Variants in MAGI1 observed in about 807,000 individuals in gnomAD.
The protein encoded by MAGI1 is membrane associated guanylate kinase, WW and PDZ domain containing 1.
In MAGI1, 58 loss-of-function variants were observed where a neutral mutation model predicts 139.9. The ratio of observed to expected loss-of-function variants is 0.41; its 90% CI spans 0.34 to 0.52. MAGI1 has a LOEUF of 0.52. Ranked by LOEUF, MAGI1 falls within the 20% of genes least tolerant of loss-of-function variation. The pLI is 0.12. For missense variants in MAGI1, 1,874 were observed against 1,901.6 expected, an observed-to-expected ratio of 0.99 and a Z score of 0.27; for synonymous variants, 812 against 737.9, an observed-to-expected ratio of 1.10 and a Z score of -1.63.
intron 12 of MAGI1, among the ~76,000 whole-genome samples, chr3:65,409,387 G>T (rs1324566942): frequency 2.6e-5 from 4 of 152,112 alleles, no homozygotes; most frequent in African/African-American, 9.7e-5. Flanking sequence ...GTGAAGAATG[G>T]CTAGCATTTA....
At chr3:65,744,686 T>G (rs1175678599) in intron 1 of MAGI1, among the ~76,000 whole-genome samples, 1 of 148,870 alleles carries the variant, frequency 6.7e-6, no homozygotes, top group Admixed American at 6.7e-5. Flanking sequence ...CAGGAAATGT[T>G]TTTGTTTTCT....
intron 5 of MAGI1, among the ~76,000 whole-genome samples, chr3:65,462,207 G>A (rs1344674516): frequency 6.6e-6 from 1 of 152,132 alleles, no homozygotes; most frequent in Admixed American, 6.5e-5. Context: ...CCTATGTCCG[G>A]AAAGGTATTG....
At position 65,415,014 on chromosome 3, in the gene MAGI1, A is replaced by C. The variant is rs1462107828; in HGVS notation, c.2168-13544T>G. ...ATTGCACTCCAGCCTGGGAAAAAAA[A>C]AAAAACAAAAAAAAAAAAAACAGAA... On this transcript the variant is annotated intron_variant, in intron 12 of 22. Coordinates refer to ENST00000402939, the MANE Select transcript of MAGI1 (RefSeq NM_001033057.2). Among the ~76,000 whole-genome samples, 26 of 127,980 alleles carry C rather than the reference A, an allele frequency of 2.0e-4. No homozygotes were observed. In the East Asian group the frequency reaches 2.9e-3, roughly 14 times the overall value. 84.0% of individuals were successfully genotyped at this position (127,980 alleles called of 152,430 possible). A position where few individuals can be genotyped will look rare whatever the true frequency, so the allele number is the denominator to read the frequency against.
intron 1 of MAGI1, among the ~76,000 whole-genome samples, chr3:65,660,383 A>G (rs1282292843): frequency 6.6e-6 from 1 of 152,260 alleles, no homozygotes; most frequent in African/African-American, 2.4e-5. Context: ...GAACACTACA[A>G]GGGTGAAGTA....
chr3:65,708,716 G>A (rs74807150), intron 1 of MAGI1, among the ~76,000 whole-genome samples: 586 of 53,444 alleles, frequency 0.011, 4 homozygotes, highest in African/African-American at 0.046. Context: ...GAAAGAAAAC[G>A]GGGGAAGGAC....
chr3:65,544,434 G>T (rs1407645954), intron 2 of MAGI1, among the ~76,000 whole-genome samples: 1 of 152,100 alleles, frequency 6.6e-6, no homozygotes, highest in African/African-American at 2.4e-5. Flanking sequence ...TGCATGTGTT[G>T]GGTAATTTTA....
At chr3:65,413,912 T>G (rs954752510) in intron 12 of MAGI1, among the ~76,000 whole-genome samples, 1 of 152,206 alleles carries the variant, frequency 6.6e-6, no homozygotes, top group Non-Finnish European at 1.5e-5. Context: ...GGGAACAAGA[T>G]GTGTAACAAA....
At chr3:65,896,440 G>T (rs2060972927) in intron 1 of MAGI1, among the ~76,000 whole-genome samples, 1 of 152,268 alleles carries the variant, frequency 6.6e-6, no homozygotes, top group Non-Finnish European at 1.5e-5. Context: ...CACATCTGTG[G>T]AGCTTGTCCA....
chr3:65,936,049 C>G lies in MAGI1; in HGVS notation c.313+101947G>C, dbSNP rs115575125. 8.9e-3 allele frequency among the ~76,000 whole-genome samples: 1,359 copies of G among 152,262 alleles called. 24 individuals carry two copies. The highest frequency in any genetic ancestry group is 0.031 in the African/African-American group (1,289 of 41,552). ...ATTGGTTTTCTTTAAAGCTACTAAG[C>G]CTGGGGGCTTTGTTAGGCAGCAGAC... On this transcript the variant is annotated intron_variant, in intron 1 of 22. Coordinates refer to ENST00000402939, the MANE Select transcript of MAGI1 (RefSeq NM_001033057.2).
At chr3:65,518,768 CA>C (rs35356118) in intron 2 of MAGI1, among the ~76,000 whole-genome samples, 2 of 149,902 alleles carry the variant, frequency 1.3e-5, no homozygotes, top group African/African-American at 2.5e-5. Context: ...GTAGATGCAG[CA>C]AAAAAAAAAT....
chr3:65,585,409 GA>G (rs1337766537), intron 2 of MAGI1, among the ~76,000 whole-genome samples: 1 of 152,166 alleles, frequency 6.6e-6, no homozygotes, highest in African/African-American at 2.4e-5. Flanking sequence ...ATAAGCAGAT[GA>G]AAACATGTTC....
At chr3:65,925,878 A>G (rs1377846772) in intron 1 of MAGI1, among the ~76,000 whole-genome samples, 1 of 152,092 alleles carries the variant, frequency 6.6e-6, no homozygotes, top group Non-Finnish European at 1.5e-5. Context: ...CAGTTTCACC[A>G]TATTGCCCAG....
intron 1 of MAGI1, among the ~76,000 whole-genome samples, chr3:65,885,833 G>C (rs570729844): frequency 2.6e-5 from 4 of 152,132 alleles, no homozygotes; most frequent in African/African-American, 9.7e-5. Flanking sequence ...AGCAGCGTGA[G>C]AACGAACTAA....
At chr3:65,399,802 T>C (rs1415465364) in intron 13 of MAGI1, among the ~76,000 whole-genome samples, 4 of 152,110 alleles carry the variant, frequency 2.6e-5, no homozygotes, top group Non-Finnish European at 4.4e-5. Context: ...TCCAAAACAC[T>C]TGGGGGAAAC....
chr3:65,465,600 G>A (rs1950115815), intron 5 of MAGI1, among the ~76,000 whole-genome samples: 2 of 151,966 alleles, frequency 1.3e-5, no homozygotes, highest in Admixed American at 6.6e-5. Flanking sequence ...TGACAAATAT[G>A]CTGTCATTTT....
chr3:65,493,456 GCTCCT>G (rs1952203734), intron 3 of MAGI1, 51 bp downstream of exon 3: 1 of 1,608,928 alleles, frequency 6.2e-7, no homozygotes, highest in Admixed American at 1.7e-5. Context: ...GATGGCTCTG[GCTCCT>G]CTCAAGTACC....
intron 2 of MAGI1, among the ~76,000 whole-genome samples, chr3:65,560,746 G>T (rs998006721): frequency 6.6e-6 from 1 of 152,116 alleles, no homozygotes; most frequent in African/African-American, 2.4e-5. Context: ...GGCCAATGTG[G>T]GTGGGTTTTC....
chr3:65,824,964 CTG>C (rs1380442727), intron 1 of MAGI1, among the ~76,000 whole-genome samples: 1 of 152,192 alleles, frequency 6.6e-6, no homozygotes, highest in Non-Finnish European at 1.5e-5. Flanking sequence ...AGAAGCATGT[CTG>C]TACTCCCTGC....
At chr3:65,917,729 G>A (rs1395763431) in intron 1 of MAGI1, among the ~76,000 whole-genome samples, 1 of 152,138 alleles carries the variant, frequency 6.6e-6, no homozygotes, top group Non-Finnish European at 1.5e-5. Flanking sequence ...CTGACATTCT[G>A]GAAAAGGCAA....
Sources: gnomAD v4.1 joint callset for allele counts (sites outside exome capture counted in the v4.1 genomes callset) on GRCh38, gnomAD v4.1.1 for gene constraint, MANE v1.5 for transcripts, NCBI Gene and HGNC (gene_info 2026-07-23, HGNC 2026-07-21) for gene names.